INSC: variants seen among roughly 807,000 people sequenced by gnomAD.
INSC encodes the protein INSC spindle orientation adaptor protein.
Under a neutral mutation model 58.6 loss-of-function variants are expected in INSC, and 67 were observed. The observed-to-expected ratio is 1.14, with a 90% CI of 0.94 to 1.40. The LOEUF is 1.40. Ranked by LOEUF, INSC falls within the 40% of genes most tolerant of loss-of-function variation. INSC has a pLI of 0.00. For synonymous variants in INSC, 262 were observed against 276.1 expected (o/e 0.95, Z 0.51); for missense variants, 714 against 692.0 (o/e 1.03, Z -0.36).
rs755037806 is a variant in INSC at position 15,175,814 on chromosome 11, A to C, written c.130A>C (p.Met44Leu). The C allele has an allele frequency of 4.3e-6, 7 of 1,609,272 alleles. No individual in the cohort carries two copies. The South Asian group carries it at 7.7e-5, about 18-fold the overall frequency. The change falls in exon 3 of 13, where the codon ATG becomes CTG. Residue 44 changes from methionine (M) to leucine (L), a missense_variant. Coordinates refer to ENST00000379556, the MANE Select transcript of INSC (RefSeq NM_001042536.3). ...GAAGCTCATGACCGAGTGCGAGTGC[A>C]TGTGTGTCCTGCAGGCCAAGCCCAT... Reference protein sequence around the residue: ...DLKLMTECECMCVLQAKPISL... With the variant: ...DLKLMTECECLCVLQAKPISL...
In INSC at chr11:15,116,805, T is replaced by TTTCTTTCTTTC. The variant is rs1554900053; in HGVS notation, c.-46+1804_-46+1805insCTTTCTTTCTT. On this transcript the variant is annotated intron_variant, in intron 1 of 12. Transcript: ENST00000379556. Reference sequence around the variant, plus strand: ...TCCTTCCTTTCTTTTCTTTTCTTTCTTTTCTTTCTTTCTTTCTTTCTTTCT... The same window carrying TTTCTTTCTTTC: ...TCCTTCCTTTCTTTTCTTTTCTTTCTTTCTTTCTTTCTTTCTTTCTTTCTTTCTTTCTTTCT... Among the ~76,000 whole-genome samples the TTTCTTTCTTTC allele has an allele frequency of 5.7e-3, 113 of 19,976 alleles. 16 individuals are homozygous for TTTCTTTCTTTC. Among genetic ancestry groups the TTTCTTTCTTTC allele is most frequent in the Non-Finnish European group, 9.6e-3 (74 of 7,746 alleles). The allele number at this position is 19,976 out of a possible 152,430, so 13.1% of individuals were successfully genotyped here. A position where few individuals can be genotyped will look rare whatever the true frequency, so the allele number is the denominator to read the frequency against.
At chr11:15,209,907 A>C (rs1850953761) in intron 7 of INSC, among the ~76,000 whole-genome samples, 1 of 152,142 alleles carries the variant, frequency 6.6e-6, no homozygotes, top group Admixed American at 6.5e-5. Flanking sequence ...GAGTATAAAC[A>C]TCATAGGGTC....
At chr11:15,229,979 T>TATGTA (rs1564917273) in intron 9 of INSC, among the ~76,000 whole-genome samples, 2 of 32,992 alleles carry the variant, frequency 6.1e-5, no homozygotes, top group Admixed American at 4.8e-4. Flanking sequence ...TATATATATA[T>TATGTA]TATATATATA....
In INSC at chr11:15,245,992, G is replaced by T; in HGVS notation, c.1551G>T (p.Leu517=). ...TTCAGCAGTTGGTCCAGCCTCGGCTGGTGGACTCCTTCTTACTCTGCAGCA... is the reference window on the plus strand; with the variant it reads ...TTCAGCAGTTGGTCCAGCCTCGGCTTGTGGACTCCTTCTTACTCTGCAGCA... The part of the protein sequence containing the change: ...SDFQQLVQPR[L]VDSFLLCSNM... The change falls in exon 13 of 13, where the codon CTG becomes CTT. Residue 517 remains leucine (L), a synonymous_variant. Coordinates refer to ENST00000379556, the MANE Select transcript of INSC (RefSeq NM_001042536.3). The T allele has an allele frequency of 6.2e-7, 1 of 1,614,164 alleles. No homozygotes were observed.
chr11:15,133,899 G>A (rs1049583162), intron 1 of INSC, among the ~76,000 whole-genome samples: 34 of 152,126 alleles, frequency 2.2e-4, no homozygotes, highest in Admixed American at 1.6e-3. Flanking sequence ...TAAAGTATCT[G>A]GGCTACCATA....
chr11:15,201,267 G>T (rs1194262212), intron 7 of INSC, among the ~76,000 whole-genome samples: 1 of 152,098 alleles, frequency 6.6e-6, no homozygotes, highest in Non-Finnish European at 1.5e-5. Context: ...GTTGGTGCTG[G>T]GGTTCAGGGT....
In INSC at chr11:15,166,143, A is replaced by G. The variant is rs138830789; in HGVS notation, c.57-9598A>G. ...GTTTTAAACCTTGTTGAACTGGTTG[A>G]GAATATTCTATGTTGGTTCCTGGTG... On this transcript the variant is annotated intron_variant, in intron 2 of 12. Transcript: ENST00000379556. Among the ~76,000 whole-genome samples, 937 of 152,284 alleles carry G rather than the reference A, an allele frequency of 6.2e-3. 7 individuals are homozygous for G. The highest frequency in any genetic ancestry group is 8.4e-3 in the Admixed American group (128 of 15,302).
chr11:15,162,488 C>T (rs996921701), intron 2 of INSC, among the ~76,000 whole-genome samples: 11 of 152,198 alleles, frequency 7.2e-5, no homozygotes, highest in African/African-American at 2.7e-4. Context: ...ACCTGCTTTC[C>T]ACTTGACGAT....
rs776499904 is a variant in INSC at position 15,245,955 on chromosome 11, A to G, written c.1514A>G (p.Gln505Arg). 9 of 1,614,082 alleles carry G rather than the reference A, an allele frequency of 5.6e-6. No individual in the cohort carries two copies. The African/African-American group carries it at 1.2e-4, about 22-fold the overall frequency. ...GCTGGGGTCTGCCCTGAAGGCCTCC[A>G]GGACTCTGACTTTCAGCAGTTGGTC... ...RLAGVCPEGL[Q>R]DSDFQQLVQP... is the part of the protein sequence containing the mutation. The change falls in exon 13 of 13, where the codon CAG (glutamine) becomes CGG (arginine). Residue 505 changes from glutamine to arginine, a missense_variant. Transcript: ENST00000379556.
At chr11:15,183,769 T>G (rs1224784401) in intron 5 of INSC, among the ~76,000 whole-genome samples, 1 of 152,190 alleles carries the variant, frequency 6.6e-6, no homozygotes, top group Non-Finnish European at 1.5e-5. Context: ...GTAACATGCT[T>G]TTGAGAACAA....
intron 9 of INSC, among the ~76,000 whole-genome samples, chr11:15,233,331 T>C (rs1384037227): frequency 6.6e-6 from 1 of 152,182 alleles, no homozygotes; most frequent in Non-Finnish European, 1.5e-5. Context: ...CCTGACAGCA[T>C]TGTTAACTTG....
intron 6 of INSC, among the ~76,000 whole-genome samples, chr11:15,191,141 C>T (rs928776469): frequency 1.6e-4 from 25 of 152,036 alleles, no homozygotes; most frequent in Admixed American, 3.3e-4. Flanking sequence ...CCACCACGTC[C>T]GGCTAATTTT....
chr11:15,235,774 T>C (rs562191701), intron 10 of INSC, 106 bp downstream of exon 10: 1 of 974,668 alleles, frequency 1.0e-6, no homozygotes, highest in South Asian at 1.3e-5. Flanking sequence ...TAGGTACATG[T>C]GGCCGGGCGC....
At chr11:15,263,873 C>A in the INSC span, among the ~76,000 whole-genome samples, 1 of 152,024 alleles carries the variant, frequency 6.6e-6, no homozygotes, top group African/African-American at 2.4e-5. Flanking sequence ...GGGGGATAGC[C>A]ATCAGATCCT....
At chr11:15,255,138 C>A in the INSC span, among the ~76,000 whole-genome samples, 129 of 152,242 alleles carry the variant, frequency 8.5e-4, 1 homozygote, top group Non-Finnish European at 1.5e-3. Flanking sequence ...GAAACCAAAA[C>A]CCATGATCAT....
chr11:15,227,066 A>G (rs2133945951), intron 9 of INSC, among the ~76,000 whole-genome samples: 1 of 152,332 alleles, frequency 6.6e-6, no homozygotes, highest in Admixed American at 6.5e-5. Flanking sequence ...GACACTGGTG[A>G]TATTTGCCCC....
intron 2 of INSC, among the ~76,000 whole-genome samples, chr11:15,150,410 A>T (rs141497662): frequency 6.6e-6 from 1 of 152,210 alleles, no homozygotes; most frequent in Non-Finnish European, 1.5e-5. Flanking sequence ...CCAGATAAAT[A>T]ATTCATGCTG....
At chr11:15,197,634 C>T (rs368164201) in intron 6 of INSC, among the ~76,000 whole-genome samples, 2 of 152,316 alleles carry the variant, frequency 1.3e-5, no homozygotes, top group East Asian at 1.9e-4. Flanking sequence ...GGCAACCTGT[C>T]TGAGGCTTGT....
intron 7 of INSC, among the ~76,000 whole-genome samples, chr11:15,220,561 A>G (rs1456810387): frequency 6.6e-6 from 1 of 152,232 alleles, no homozygotes; most frequent in Non-Finnish European, 1.5e-5. Flanking sequence ...TTTGAATACC[A>G]ATCCAACTGC....
Sources: allele counts gnomAD v4.1 joint callset (sites outside exome capture counted in the v4.1 genomes callset), GRCh38; gene constraint gnomAD v4.1.1; transcripts MANE v1.5; gene names NCBI Gene and HGNC (gene_info 2026-07-23, HGNC 2026-07-21).